TENM3: variants seen among roughly 807,000 people sequenced by gnomAD.
TENM3 encodes teneurin transmembrane protein 3, also known as teneurin-3.
In TENM3, 63 loss-of-function variants were observed where a neutral mutation model predicts 255.1. That is an observed-to-expected ratio of 0.25 (90% CI 0.20 to 0.30). The LOEUF (loss-of-function observed/expected upper bound fraction) is 0.30, where lower values mean the gene tolerates loss of function less well. Among genes scored for constraint, TENM3 ranks in the 10% least tolerant of loss-of-function variants. The pLI, the probability that TENM3 is intolerant of heterozygous loss-of-function variation, is 1.00. For synonymous variants in TENM3, 1,306 were observed against 1,322.3 expected, an observed-to-expected ratio of 0.99 and a Z score of 0.27; for missense variants, 2,929 against 3,461.1, an observed-to-expected ratio of 0.85 and a Z score of 3.86.
chr4:182,295,799 A>G (rs1456296280), intron 1 of TENM3, among the ~76,000 whole-genome samples: 1 of 152,146 alleles, frequency 6.6e-6, no homozygotes, highest in African/African-American at 2.4e-5. Flanking sequence ...TGAGTTTGAC[A>G]TCTGGATAAC....
At chr4:181,851,359 C>T in the TENM3 span, among the ~76,000 whole-genome samples, 2 of 152,234 alleles carry the variant, frequency 1.3e-5, no homozygotes, top group Non-Finnish European at 2.9e-5. Flanking sequence ...TCGGAGTTAC[C>T]CAGCATAGAA....
At chr4:181,900,483 T>C in the TENM3 span, among the ~76,000 whole-genome samples, 8 of 152,300 alleles carry the variant, frequency 5.3e-5, no homozygotes, top group Admixed American at 5.2e-4. Context: ...CCAATACGTA[T>C]ATTTGTTGTT....
the TENM3 span, among the ~76,000 whole-genome samples, chr4:181,883,559 C>T: frequency 6.6e-6 from 1 of 152,122 alleles, no homozygotes; most frequent in African/African-American, 2.4e-5. Flanking sequence ...ACTGCAAGCT[C>T]CGCCTCCCAG....
chr4:182,209,850 T>G (rs1393776253), intron 1 of TENM3, among the ~76,000 whole-genome samples: 2 of 152,148 alleles, frequency 1.3e-5, no homozygotes, highest in South Asian at 2.1e-4. Flanking sequence ...AGACTGGCTC[T>G]CTCTCTCAGT....
At chr4:182,138,944 C>T in the TENM3 span, among the ~76,000 whole-genome samples, 4 of 152,162 alleles carry the variant, frequency 2.6e-5, no homozygotes, top group African/African-American at 9.7e-5. Flanking sequence ...TACTTAAATG[C>T]ATTTTCAAGG....
At chr4:181,842,308 A>T in the TENM3 span, among the ~76,000 whole-genome samples, 5 of 152,212 alleles carry the variant, frequency 3.3e-5, no homozygotes, top group Admixed American at 6.5e-5. Context: ...ACCAGTGGTC[A>T]TTTTTTACTT....
At chr4:182,434,450 G>A (rs1024915097) in intron 3 of TENM3, among the ~76,000 whole-genome samples, 3 of 152,098 alleles carry the variant, frequency 2.0e-5, no homozygotes, top group South Asian at 2.1e-4. Context: ...ATCACCTGAG[G>A]TCAGGAGTTC....
At chr4:182,232,691 T>C (rs1756656655) in intron 1 of TENM3, among the ~76,000 whole-genome samples, 1 of 150,846 alleles carries the variant, frequency 6.6e-6, no homozygotes, top group African/African-American at 2.4e-5. Context: ...TGAGAGTCCA[T>C]CCAAAAAAAA....
At chr4:181,564,789 C>T in the TENM3 span, among the ~76,000 whole-genome samples, 1 of 152,322 alleles carries the variant, frequency 6.6e-6, no homozygotes, top group South Asian at 2.1e-4. Flanking sequence ...CGAAGTCATC[C>T]ATTTACATAA....
chr4:181,542,892 T>G, the TENM3 span, among the ~76,000 whole-genome samples: 6 of 152,202 alleles, frequency 3.9e-5, no homozygotes, highest in Non-Finnish European at 7.3e-5. Context: ...CCTTTCCCAA[T>G]CATTGAAGCC....
chr4:181,831,571 A>C, the TENM3 span, among the ~76,000 whole-genome samples: 1 of 152,056 alleles, frequency 6.6e-6, no homozygotes, highest in African/African-American at 2.4e-5. Context: ...GTACTGTAAA[A>C]AATTAAAATA....
chr4:182,183,323 GA>G (rs1449553395), intron 1 of TENM3, among the ~76,000 whole-genome samples: 1 of 152,144 alleles, frequency 6.6e-6, no homozygotes, highest in African/African-American at 2.4e-5. Context: ...AATCAAGCCA[GA>G]ACCCACCTAG....
the TENM3 span, among the ~76,000 whole-genome samples, chr4:181,521,409 G>T: frequency 6.6e-6 from 1 of 152,198 alleles, no homozygotes; most frequent in Non-Finnish European, 1.5e-5. Flanking sequence ...AAAATGGCTT[G>T]CAGTAAGGTT....
intron 6 of TENM3, among the ~76,000 whole-genome samples, chr4:182,664,616 C>A (rs1561074380): frequency 6.6e-6 from 1 of 152,186 alleles, no homozygotes; most frequent in East Asian, 1.9e-4. Context: ...AAGCCTCCTG[C>A]ACCAAATACT....
In TENM3 at chr4:182,161,613, G is replaced by GTATATATATATACAAATATATATATGTA. The variant is rs1751197917; in HGVS notation, c.-76+16874_-76+16901dup. 4.0e-5 allele frequency among the ~76,000 whole-genome samples: 4 copies of GTATATATATATACAAATATATATATGTA among 100,062 alleles called. 1 individual carries two copies. Among genetic ancestry groups the GTATATATATATACAAATATATATATGTA allele is most frequent in the African/African-American group, 1.6e-4 (4 of 24,886 alleles). 65.6% of individuals were successfully genotyped at this position (100,062 alleles called of 152,430 possible). On this transcript the variant is annotated intron_variant, in intron 1 of 2. Coordinates refer to the TENM3 transcript ENST00000512480. ...AATATATATATACATATATATATAT[G>GTATATATATATACAAATATATATATGTA]TATATATATATACAAATATATATAT...
chr4:182,406,356 G>A (rs1769581225), intron 3 of TENM3, among the ~76,000 whole-genome samples: 1 of 152,052 alleles, frequency 6.6e-6, no homozygotes, highest in Non-Finnish European at 1.5e-5. Flanking sequence ...AGAAGCCTGG[G>A]CATGCATTAA....
the TENM3 span, among the ~76,000 whole-genome samples, chr4:181,988,044 G>A: frequency 2.0e-5 from 3 of 152,032 alleles, no homozygotes; most frequent in Admixed American, 1.3e-4. Flanking sequence ...AATGAGAGTT[G>A]AAAGAAATTA....
intron 3 of TENM3, among the ~76,000 whole-genome samples, chr4:182,470,199 T>C (rs1185432063): frequency 2.0e-5 from 3 of 152,166 alleles, no homozygotes; most frequent in Admixed American, 6.5e-5. Context: ...CTAGTGAAAA[T>C]AATATGTAAG....
the TENM3 span, among the ~76,000 whole-genome samples, chr4:181,607,243 G>C: frequency 6.6e-6 from 1 of 152,206 alleles, no homozygotes; most frequent in South Asian, 2.1e-4. Context: ...AGCAGCCTAT[G>C]TTTTTGTTCA....
Sources: allele counts gnomAD v4.1 joint callset (sites outside exome capture counted in the v4.1 genomes callset), GRCh38; gene constraint gnomAD v4.1.1; transcripts MANE v1.5; gene names NCBI Gene and HGNC (gene_info 2026-07-23, HGNC 2026-07-21).